Variants in NTM observed in about 807,000 individuals in gnomAD.
NTM encodes the protein IgLON family member 2.
Under a neutral mutation model 42.1 loss-of-function variants are expected in NTM, and 13 were observed. The ratio of observed to expected loss-of-function variants is 0.31; its 90% CI spans 0.20 to 0.49. The LOEUF is 0.49. Ranked by LOEUF, NTM falls within the 20% of genes least tolerant of loss-of-function variation. NTM has a pLI of 0.99. For missense variants in NTM, 373 were observed against 452.8 expected, an observed-to-expected ratio of 0.82 and a Z score of 1.60; for synonymous variants, 187 against 179.2, an observed-to-expected ratio of 1.04 and a Z score of -0.35.
chr11:132,148,588 A>T (rs1319561947), intron 3 of NTM, among the ~76,000 whole-genome samples: 2 of 152,194 alleles, frequency 1.3e-5, no homozygotes, highest in African/African-American at 4.8e-5. Flanking sequence ...GGAATTGTGA[A>T]AAGTGCTAAT....
At chr11:132,189,009 A>G (rs2078882378) in intron 3 of NTM, among the ~76,000 whole-genome samples, 2 of 152,234 alleles carry the variant, frequency 1.3e-5, no homozygotes, top group Non-Finnish European at 2.9e-5. Flanking sequence ...GGAGGCCTAC[A>G]TGATGATGAA....
At chr11:131,410,268 T>A (rs2135745382) in intron 1 of NTM, among the ~76,000 whole-genome samples, 1 of 150,570 alleles carries the variant, frequency 6.6e-6, no homozygotes, top group South Asian at 2.1e-4. Context: ...AGGCAAGGAG[T>A]TCAAGACCAG....
At chr11:132,135,914 G>C (rs1422141652) in intron 2 of NTM, among the ~76,000 whole-genome samples, 1 of 152,188 alleles carries the variant, frequency 6.6e-6, no homozygotes, top group African/African-American at 2.4e-5. Flanking sequence ...CTCCCACTGG[G>C]AGCTTTCCTC....
chr11:131,622,434 G>A (rs768676280), intron 1 of NTM, among the ~76,000 whole-genome samples: 3 of 152,238 alleles, frequency 2.0e-5, no homozygotes, highest in Middle Eastern at 3.4e-3. Flanking sequence ...GCTCCGTGTC[G>A]CCAAGATTCA....
intron 1 of NTM, among the ~76,000 whole-genome samples, chr11:131,621,254 C>T (rs2062504458): frequency 6.6e-6 from 1 of 152,090 alleles, no homozygotes; most frequent in Admixed American, 6.6e-5. Flanking sequence ...GGTATTTATC[C>T]CCTAAAAACT....
At chr11:131,500,757 T>C (rs1203854097) in intron 1 of NTM, among the ~76,000 whole-genome samples, 2 of 99,174 alleles carry the variant, frequency 2.0e-5, no homozygotes, top group East Asian at 3.5e-4. Context: ...ACAACAGGCC[T>C]CGGTGTATGA....
At chr11:131,407,384 A>G (rs959368814) in intron 1 of NTM, among the ~76,000 whole-genome samples, 1 of 152,352 alleles carries the variant, frequency 6.6e-6, no homozygotes, top group African/African-American at 2.4e-5. Context: ...GCTACATACA[A>G]TGCCCTGGAA....
intron 1 of NTM, among the ~76,000 whole-genome samples, chr11:131,900,159 C>T (rs755530586): frequency 9.9e-5 from 15 of 152,094 alleles, no homozygotes; most frequent in Non-Finnish European, 1.5e-4. Context: ...AGAAGGGTGA[C>T]GACAACTCAG....
chr11:131,727,678 C>T (rs1402940219), intron 1 of NTM, among the ~76,000 whole-genome samples: 2 of 152,144 alleles, frequency 1.3e-5, no homozygotes, highest in African/African-American at 4.8e-5. Context: ...GAATATGGAA[C>T]CAGGAAAGTC....
At chr11:131,970,974 T>C (rs1429257010) in intron 2 of NTM, among the ~76,000 whole-genome samples, 1 of 152,356 alleles carries the variant, frequency 6.6e-6, no homozygotes, top group East Asian at 1.9e-4. Flanking sequence ...GATTTATCCA[T>C]TTATTTGATT....
chr11:132,052,711 T>A (rs775038794), intron 2 of NTM, among the ~76,000 whole-genome samples: 6 of 152,124 alleles, frequency 3.9e-5, no homozygotes, highest in Non-Finnish European at 5.9e-5. Flanking sequence ...CTTTCTTTTT[T>A]CTAGGGGGCA....
intron 1 of NTM, among the ~76,000 whole-genome samples, chr11:131,892,736 G>T (rs2051566559): frequency 1.3e-5 from 2 of 152,224 alleles, no homozygotes; most frequent in African/African-American, 4.8e-5. Flanking sequence ...TGGGCAAGAG[G>T]GGTAGCCATA....
chr11:131,586,290 C>G (rs1222362925), intron 1 of NTM, among the ~76,000 whole-genome samples: 1 of 152,030 alleles, frequency 6.6e-6, no homozygotes, highest in African/African-American at 2.4e-5. Context: ...TCATGTGATC[C>G]TCTCCTCCTT....
At chr11:131,766,693 C>A (rs1001184262) in intron 1 of NTM, among the ~76,000 whole-genome samples, 1 of 152,116 alleles carries the variant, frequency 6.6e-6, no homozygotes, top group African/African-American at 2.4e-5. Context: ...GAAGCATTTT[C>A]CTTCCTTGGG....
At chr11:131,472,751 T>C (rs906565323) in intron 1 of NTM, among the ~76,000 whole-genome samples, 1 of 152,120 alleles carries the variant, frequency 6.6e-6, no homozygotes, top group Non-Finnish European at 1.5e-5. Context: ...TCTGAGGTAG[T>C]ATTTAGCATA....
At chr11:131,677,270 G>A (rs889950347) in intron 1 of NTM, among the ~76,000 whole-genome samples, 3 of 152,146 alleles carry the variant, frequency 2.0e-5, no homozygotes, top group African/African-American at 4.8e-5. Flanking sequence ...CAGATCACCC[G>A]CCTCCCGTGG....
chr11:131,417,734 C>G (rs1032836126), intron 1 of NTM, among the ~76,000 whole-genome samples: 2 of 152,196 alleles, frequency 1.3e-5, no homozygotes, highest in Admixed American at 6.5e-5. Flanking sequence ...TCATAACTCT[C>G]CAAAATCCAT....
intron 2 of NTM, among the ~76,000 whole-genome samples, chr11:131,944,538 G>T (rs1190447688): frequency 6.6e-6 from 1 of 152,090 alleles, no homozygotes; most frequent in South Asian, 2.1e-4. Flanking sequence ...ATAAAATTCT[G>T]CCCGCCATTG....
intron 1 of NTM, among the ~76,000 whole-genome samples, chr11:131,631,987 T>A (rs1175194909): frequency 6.6e-6 from 1 of 152,180 alleles, no homozygotes; most frequent in Non-Finnish European, 1.5e-5. Context: ...TTTTACTTTA[T>A]CCTCAATGCT....
Sources: allele counts gnomAD v4.1 joint callset (sites outside exome capture counted in the v4.1 genomes callset), GRCh38; gene constraint gnomAD v4.1.1; transcripts MANE v1.5; gene names NCBI Gene and HGNC (gene_info 2026-07-23, HGNC 2026-07-21).